Variants in NEK1 observed in about 807,000 individuals in gnomAD.
The protein encoded by NEK1 is NIMA related kinase 1.
In NEK1, 137 loss-of-function variants were observed where a neutral mutation model predicts 182.1. The ratio of observed to expected loss-of-function variants is 0.75; its 90% CI spans 0.65 to 0.87. The LOEUF (loss-of-function observed/expected upper bound fraction) is 0.87. NEK1 is among the 40% of genes least tolerant of loss of function. The probability of loss-of-function intolerance (pLI) is 0.00; values close to 1 mark genes in which losing one functional copy is unlikely to be tolerated. For synonymous variants in NEK1, 513 were observed against 492.2 expected (o/e 1.04, Z -0.56); for missense variants, 1,391 against 1,494.4 (o/e 0.93, Z 1.14).
intron 19 of NEK1, among the ~76,000 whole-genome samples, chr4:169,534,350 A>G (rs1758127316): frequency 6.6e-6 from 1 of 152,222 alleles, no homozygotes; most frequent in Non-Finnish European, 1.5e-5. Context: ...TGGCTGCAGC[A>G]CAGAGAGAAG....
rs1474085782 is a variant in NEK1 at position 169,398,301 on chromosome 4, T to G, written c.3847+1924A>C. 4.9e-5 allele frequency among the ~76,000 whole-genome samples: 7 copies of G among 142,216 alleles called. No individual in the cohort carries two copies. The South Asian group carries it at 8.9e-4, about 18-fold the overall frequency. 93.3% of individuals were successfully genotyped at this position (142,216 alleles called of 152,430 possible). A position where few individuals can be genotyped will look rare whatever the true frequency, so the allele number is the denominator to read the frequency against. On this transcript the variant is annotated intron_variant, in intron 35 of 35. Transcript: ENST00000507142. ...AAATTTTCTACCACTAAGACTTGAG[T>G]TTTTTTTTTTTTACTGGGGTTTATA...
At chr4:169,601,892 A>C in intron 4 of NEK1, 116 bp downstream of exon 4, 2 of 711,554 alleles carry the variant, frequency 2.8e-6, no homozygotes, top group East Asian at 5.1e-5. Context: ...AATCAAGCTG[A>C]TATTCATATG....
intron 18 of NEK1, among the ~76,000 whole-genome samples, chr4:169,547,803 G>C (rs1228878301): frequency 1.3e-5 from 2 of 152,278 alleles, no homozygotes; most frequent in East Asian, 3.9e-4. Context: ...TTCTCATGCA[G>C]TGTTTTTCAG....
At chr4:169,578,998 T>C (rs1390027888) in intron 11 of NEK1, among the ~76,000 whole-genome samples, 2 of 152,052 alleles carry the variant, frequency 1.3e-5, no homozygotes, top group East Asian at 3.8e-4. Context: ...AACGTGTTAA[T>C]AGAATCAAAG....
Position 169,599,309 on chromosome 4 carries a change from C to A in NEK1, c.215-112G>T, listed in dbSNP as rs971085698. On this transcript the variant is annotated intron_variant, in intron 4 of 35. Transcript: ENST00000507142. ...AGCAGCTGCTGAACAAAAAACAGGACCATACTCAAAAGAATTAGGGCACAA... is the reference window on the plus strand; with the variant it reads ...AGCAGCTGCTGAACAAAAAACAGGAACATACTCAAAAGAATTAGGGCACAA... 3 of 688,648 alleles carry A rather than the reference C, an allele frequency of 4.4e-6. No homozygotes were observed. The South Asian group carries it at 6.1e-5, about 14-fold the overall frequency. The allele number at this position is 688,648 out of a possible 1,614,324, so 42.7% of individuals were successfully genotyped here.
At chr4:169,456,182 C>A (rs1479752246) in intron 27 of NEK1, among the ~76,000 whole-genome samples, 1 of 151,956 alleles carries the variant, frequency 6.6e-6, no homozygotes, top group Non-Finnish European at 1.5e-5. Flanking sequence ...AATGGAAACA[C>A]AATATACCAA....
At chr4:169,430,019 GC>G (rs1329037310) in intron 29 of NEK1, among the ~76,000 whole-genome samples, 1 of 152,070 alleles carries the variant, frequency 6.6e-6, no homozygotes. Flanking sequence ...TGTCCCAAAA[GC>G]AGGTATTAAA....
chr4:169,586,645 A>G (rs1034831480), intron 9 of NEK1, among the ~76,000 whole-genome samples: 1 of 152,054 alleles, frequency 6.6e-6, no homozygotes, highest in Admixed American at 6.5e-5. Context: ...AAACTGATCA[A>G]TTATTTCAAA....
intron 9 of NEK1, among the ~76,000 whole-genome samples, chr4:169,585,866 AC>A (rs1281211096): frequency 6.6e-6 from 1 of 152,142 alleles, no homozygotes; most frequent in Non-Finnish European, 1.5e-5. Flanking sequence ...GGGCCAAAGA[AC>A]CACAAGCAGA....
intron 19 of NEK1, among the ~76,000 whole-genome samples, chr4:169,531,880 C>T (rs75542826): frequency 0.071 from 10,862 of 152,148 alleles, 1,270 homozygotes; most frequent in African/African-American, 0.25. Flanking sequence ...ATTTTGGAAA[C>T]AACACAAATG....
intron 35 of NEK1, among the ~76,000 whole-genome samples, chr4:169,398,561 A>G (rs1391665189): frequency 1.3e-5 from 2 of 152,190 alleles, no homozygotes; most frequent in East Asian, 3.9e-4. Flanking sequence ...GAGAAAGACC[A>G]GCACCAAATT....
At chr4:169,414,556 T>C (rs905662040) in intron 31 of NEK1, among the ~76,000 whole-genome samples, 1 of 152,094 alleles carries the variant, frequency 6.6e-6, no homozygotes, top group African/African-American at 2.4e-5. Context: ...TCAAGGAGGG[T>C]TGACATATAA....
At chr4:169,514,822 T>A (rs2149721368) in intron 19 of NEK1, among the ~76,000 whole-genome samples, 2 of 152,302 alleles carry the variant, frequency 1.3e-5, no homozygotes, top group South Asian at 4.1e-4. Context: ...CATTACTCTA[T>A]AGTATTACTG....
chr4:169,528,633 A>G (rs1757238832), intron 19 of NEK1, among the ~76,000 whole-genome samples: 1 of 152,218 alleles, frequency 6.6e-6, no homozygotes, highest in Non-Finnish European at 1.5e-5. Flanking sequence ...CTGCAAAAGA[A>G]AACAAAGAAA....
chr4:169,602,148 A>T, intron 3 of NEK1, 44 bp from the exon 4 acceptor site: 3 of 1,374,794 alleles, frequency 2.2e-6, no homozygotes, highest in Non-Finnish European at 3.1e-6. Flanking sequence ...AACCATTAAT[A>T]AACAACCTAA....
chr4:169,521,997 A>C (rs974324346), intron 19 of NEK1, among the ~76,000 whole-genome samples: 2 of 152,178 alleles, frequency 1.3e-5, no homozygotes, highest in African/African-American at 4.8e-5. Context: ...CTGTCCTTTA[A>C]GCTTTGAAGA....
At chr4:169,529,402 G>A (rs189161093) in intron 19 of NEK1, among the ~76,000 whole-genome samples, 1 of 152,194 alleles carries the variant, frequency 6.6e-6, no homozygotes, top group Admixed American at 6.5e-5. Flanking sequence ...TACATTTTAT[G>A]TTATGTGTAT....
intron 31 of NEK1, among the ~76,000 whole-genome samples, chr4:169,409,049 C>T (rs568176047): frequency 6.6e-5 from 10 of 152,320 alleles, no homozygotes; most frequent in African/African-American, 2.4e-4. Context: ...AAACTCCATA[C>T]TGTGTTCCAT....
chr4:169,605,868 C>CT (rs1346360289), intron 2 of NEK1, among the ~76,000 whole-genome samples: 2 of 152,082 alleles, frequency 1.3e-5, no homozygotes, highest in African/African-American at 2.4e-5. Flanking sequence ...AAATCAGAGA[C>CT]TTTTTTGATA....
Sources: gnomAD v4.1 joint callset for allele counts (sites outside exome capture counted in the v4.1 genomes callset) on GRCh38, gnomAD v4.1.1 for gene constraint, MANE v1.5 for transcripts, NCBI Gene and HGNC (gene_info 2026-07-23, HGNC 2026-07-21) for gene names.